Variants in TTC7B observed in about 807,000 individuals in gnomAD.
TTC7B encodes the protein tetratricopeptide repeat domain 7B, also known as tetratricopeptide repeat protein 7B.
A neutral mutation model predicts 106.8 loss-of-function variants in TTC7B; 28 were observed. The ratio of observed to expected loss-of-function variants is 0.26; its 90% CI spans 0.19 to 0.36. The LOEUF (loss-of-function observed/expected upper bound fraction) is 0.36. TTC7B is among the 10% of genes least tolerant of loss of function. TTC7B has a pLI of 1.00. For synonymous variants in TTC7B, 405 were observed against 430.6 expected (o/e 0.94, Z 0.74); for missense variants, 862 against 1,076.4 (o/e 0.80, Z 2.79).
chr14:90,760,718 G>A (rs1890471168), intron 3 of TTC7B, among the ~76,000 whole-genome samples: 1 of 152,210 alleles, frequency 6.6e-6, no homozygotes. Flanking sequence ...GTTACTTGCT[G>A]GGGCCTTGCA....
Position 90,541,271 on chromosome 14 carries a change from G to T in TTC7B, c.*97C>A. The stretch of plus-strand genomic sequence containing the variant: ...CACTGAACACTCGTCCCTGGCCTCA[G>T]TGTGGCAGATTCATCCCCTTGGGGC... On this transcript the variant is annotated 3_prime_UTR_variant, in exon 20 of 20. Transcript: ENST00000328459. The T allele has an allele frequency of 8.6e-7, 1 of 1,165,442 alleles. No homozygotes were observed. Among genetic ancestry groups the T allele is most frequent in the Non-Finnish European group, 1.2e-6 (1 of 837,592 alleles). 72.2% of individuals were successfully genotyped at this position (1,165,442 alleles called of 1,614,324 possible).
chr14:90,706,924 T>TATACATACACACAC (rs1401372233), intron 5 of TTC7B, among the ~76,000 whole-genome samples: 1 of 152,254 alleles, frequency 6.6e-6, no homozygotes, highest in African/African-American at 2.4e-5. Flanking sequence ...TGCACATGCA[T>TATACATACACACAC]ATACATACAC....
At chr14:90,797,848 C>T (rs182070049) in intron 1 of TTC7B, among the ~76,000 whole-genome samples, 1 of 152,284 alleles carries the variant, frequency 6.6e-6, no homozygotes, top group East Asian at 1.9e-4. Context: ...TACCTGTTAA[C>T]TGAGTTATGG....
chr14:90,583,164 A>G (rs1891570759), intron 18 of TTC7B, among the ~76,000 whole-genome samples: 1 of 152,186 alleles, frequency 6.6e-6, no homozygotes, highest in Non-Finnish European at 1.5e-5. Flanking sequence ...ACTGGTTGGG[A>G]ACTCAGGAAG....
At chr14:90,669,798 G>A (rs1324763129) in intron 9 of TTC7B, among the ~76,000 whole-genome samples, 2 of 152,178 alleles carry the variant, frequency 1.3e-5, no homozygotes, top group African/African-American at 4.8e-5. Context: ...GTGAAGAAGT[G>A]GAGAAATTAG....
chr14:90,777,036 G>A (rs1344348676), intron 3 of TTC7B, among the ~76,000 whole-genome samples: 1 of 152,140 alleles, frequency 6.6e-6, no homozygotes, highest in Admixed American at 6.5e-5. Flanking sequence ...AGGAGTTCGA[G>A]ACCAGCCTGG....
At chr14:90,681,910 CAT>C (rs1223813025) in intron 7 of TTC7B, among the ~76,000 whole-genome samples, 5 of 152,044 alleles carry the variant, frequency 3.3e-5, no homozygotes, top group Admixed American at 6.5e-5. Flanking sequence ...TGTGCATGTA[CAT>C]GCACACTCGT....
chr14:90,727,911 G>A (rs540164121), intron 5 of TTC7B, among the ~76,000 whole-genome samples: 2 of 152,184 alleles, frequency 1.3e-5, no homozygotes, highest in Non-Finnish European at 2.9e-5. Context: ...CTGGTGCTTA[G>A]GGACAGCAGT....
intron 6 of TTC7B, among the ~76,000 whole-genome samples, chr14:90,690,616 T>G (rs567621618): frequency 6.6e-6 from 1 of 152,202 alleles, no homozygotes; most frequent in African/African-American, 2.4e-5. Flanking sequence ...AAAAAATCCC[T>G]CTGAAAAGAG....
chr14:90,676,677 T>TAG lies in TTC7B; in HGVS notation c.1015-19_1015-18dup, dbSNP rs1307736477. The TAG allele has an allele frequency of 6.2e-7, 1 of 1,611,732 alleles. No homozygotes were observed. The highest frequency in any genetic ancestry group is 8.5e-7 in the Non-Finnish European group (1 of 1,178,994). ...CCGGTTGGCCTGAAAAAACATGGAA[T>TAG]AGAGAAGCAGATGGAGAGAGAACCT... On this transcript the variant is annotated splice_polypyrimidine_tract_variant and intron_variant, in intron 8 of 19. Coordinates refer to ENST00000328459, the MANE Select transcript of TTC7B (RefSeq NM_001010854.2).
At chr14:90,572,370 A>G (rs1274592589) in intron 19 of TTC7B, among the ~76,000 whole-genome samples, 1 of 152,230 alleles carries the variant, frequency 6.6e-6, no homozygotes, top group Non-Finnish European at 1.5e-5. Context: ...AAATGTAGTC[A>G]TAATCCATAA....
rs1044099564 is a variant in TTC7B, at chr14:90,663,613, G to A, written c.1153-5226C>T. The stretch of plus-strand genomic sequence containing the variant: ...CCAGCCCATCGCAAAGTTCTCAATC[G>A]ACAAAGATTACATGAGTCCTGTGTT... On this transcript the variant is annotated intron_variant, in intron 9 of 19. Coordinates refer to ENST00000328459, the MANE Select transcript of TTC7B (RefSeq NM_001010854.2). This position sits in a 1 kb window ranked among gnomAD's most constrained non-coding sequence, Gnocchi z 4.5. Among the ~76,000 whole-genome samples the A allele has an allele frequency of 6.6e-6, 1 of 152,246 alleles. No individual in the cohort carries two copies. Among genetic ancestry groups the A allele is most frequent in the South Asian group, 2.1e-4 (1 of 4,820 alleles).
intron 18 of TTC7B, among the ~76,000 whole-genome samples, chr14:90,583,843 T>C (rs1891608663): frequency 6.6e-6 from 1 of 152,230 alleles, no homozygotes; most frequent in African/African-American, 2.4e-5. Context: ...CTCCCCACCG[T>C]GTACAAAGCT....
chr14:90,676,845 T>C (rs530016392), intron 8 of TTC7B, among the ~76,000 whole-genome samples, 185 bp from the exon 9 acceptor site: 8 of 152,256 alleles, frequency 5.3e-5, no homozygotes, highest in East Asian at 3.9e-4. Context: ...GAACATGATA[T>C]ACGGGATGAT....
In TTC7B at chr14:90,575,938, T is replaced by C. The variant is rs1190713096; in HGVS notation, c.2310+2168A>G. 6.6e-6 allele frequency among the ~76,000 whole-genome samples: 1 copy of C among 152,050 alleles called. No homozygotes were observed. The highest frequency in any genetic ancestry group is 2.4e-5 in the African/African-American group (1 of 41,390). On this transcript the variant is annotated intron_variant, in intron 19 of 19. Coordinates refer to ENST00000328459, the MANE Select transcript of TTC7B (RefSeq NM_001010854.2). The surrounding 1 kb of genome is among the most constrained non-coding windows in gnomAD (Gnocchi z 5.2). Reference sequence around the variant, plus strand: ...TGTCTCTGAGCCTAGTAAGGCTCAGTCATTGCCGATGGACCCAGCAGGCGG... The same window carrying C: ...TGTCTCTGAGCCTAGTAAGGCTCAGCCATTGCCGATGGACCCAGCAGGCGG...
At chr14:90,562,111 C>T (rs141045003) in intron 19 of TTC7B, among the ~76,000 whole-genome samples, 1 of 152,260 alleles carries the variant, frequency 6.6e-6, no homozygotes, top group East Asian at 1.9e-4. Flanking sequence ...CGCCCCAGCC[C>T]GGCCATGCCC....
chr14:90,605,851 T>C (rs535250498), intron 17 of TTC7B: 4 of 951,104 alleles, frequency 4.2e-6, no homozygotes, highest in Non-Finnish European at 5.4e-6. Context: ...TATACTCACA[T>C]AAGCTGCAAA....
At chr14:90,614,858 C>G (rs1016539927) in intron 16 of TTC7B, among the ~76,000 whole-genome samples, 1 of 152,124 alleles carries the variant, frequency 6.6e-6, no homozygotes, top group African/African-American at 2.4e-5. Context: ...GTTCAGGGAG[C>G]CTGCTGGGAC....
At chr14:90,724,749 C>T (rs553075013) in intron 5 of TTC7B, among the ~76,000 whole-genome samples, 95 of 152,282 alleles carry the variant, frequency 6.2e-4, no homozygotes, top group South Asian at 5.0e-3. Context: ...ATAAAATACC[C>T]GGTCTCAGGT....
Sources: allele counts gnomAD v4.1 joint callset (sites outside exome capture counted in the v4.1 genomes callset), GRCh38; gene constraint gnomAD v4.1.1; non-coding constraint Gnocchi (gnomAD v3.1); transcripts MANE v1.5; gene names NCBI Gene and HGNC (gene_info 2026-07-23, HGNC 2026-07-21).